The following ABTB3 variants were observed in gnomAD, a reference collection of about 807,000 sequenced individuals.
ABTB3 encodes the protein ankyrin repeat- and BTB/POZ domain-containing protein 3.
At chr12:107,529,559 G>A in the ABTB3 span, among the ~76,000 whole-genome samples, 37 of 152,342 alleles carry the variant, frequency 2.4e-4, no homozygotes, top group African/African-American at 8.2e-4. Context: ...TCTGTTCCAA[G>A]TGCTTTAAAT....
At chr12:107,585,235 G>T in the ABTB3 span, among the ~76,000 whole-genome samples, 1 of 152,190 alleles carries the variant, frequency 6.6e-6, no homozygotes, top group African/African-American at 2.4e-5. Context: ...ACAGGATTTG[G>T]GGGCTGTTTG....
At chr12:107,420,898 T>G in the ABTB3 span, among the ~76,000 whole-genome samples, 3 of 152,190 alleles carry the variant, frequency 2.0e-5, no homozygotes, top group Admixed American at 2.0e-4. Context: ...TTTTTCTTCC[T>G]GCCCCTAAAT....
chr12:107,497,994 C>CA, the ABTB3 span, among the ~76,000 whole-genome samples: 2 of 152,136 alleles, frequency 1.3e-5, no homozygotes, highest in Non-Finnish European at 2.9e-5. Flanking sequence ...AGAAGACAGG[C>CA]TCAGAACAAA....
chr12:107,642,225 G>A, the ABTB3 span: 1 of 1,535,978 alleles, frequency 6.5e-7, no homozygotes, highest in Non-Finnish European at 9.0e-7. Context: ...GGCACAGGTG[G>A]TTGCCTCAGA....
chr12:107,573,232 CT>C, the ABTB3 span, among the ~76,000 whole-genome samples: 1 of 152,150 alleles, frequency 6.6e-6, no homozygotes, highest in Non-Finnish European at 1.5e-5. Context: ...TCCTCCCTAC[CT>C]CAGCCAATTG....
At chr12:107,649,508 T>C in the ABTB3 span, 2 of 516,718 alleles carry the variant, frequency 3.9e-6, no homozygotes, top group East Asian at 6.4e-5. Context: ...CTTGCTTGCC[T>C]GACTGCTTTT....
At chr12:107,635,868 A>ACC in the ABTB3 span, among the ~76,000 whole-genome samples, 1 of 31,270 alleles carries the variant, frequency 3.2e-5, no homozygotes, top group African/African-American at 9.7e-5. Flanking sequence ...CCCCCCACCC[A>ACC]CCCACACACA....
At chr12:107,399,674 A>T in the ABTB3 span, among the ~76,000 whole-genome samples, 1 of 152,182 alleles carries the variant, frequency 6.6e-6, no homozygotes, top group Admixed American at 6.5e-5. Context: ...ATTTTTTAAA[A>T]TTTTATTTTA....
chr12:107,517,768 T>C, the ABTB3 span, among the ~76,000 whole-genome samples: 1 of 152,030 alleles, frequency 6.6e-6, no homozygotes, highest in African/African-American at 2.4e-5. Flanking sequence ...ACAAATGGGA[T>C]CTAATTAAAC....
chr12:107,573,902 A>G, the ABTB3 span, among the ~76,000 whole-genome samples: 9 of 152,358 alleles, frequency 5.9e-5, no homozygotes. Context: ...AATTCAGAGT[A>G]ATGTCCAGAC....
At chr12:107,645,502 GA>G in the ABTB3 span, among the ~76,000 whole-genome samples, 21,596 of 152,176 alleles carry the variant, frequency 0.14, 1,650 homozygotes, top group South Asian at 0.2. Flanking sequence ...CTGACTCCCA[GA>G]CCTGTTCTCT....
At chr12:107,472,769 A>G in the ABTB3 span, among the ~76,000 whole-genome samples, 1 of 152,174 alleles carries the variant, frequency 6.6e-6, no homozygotes, top group South Asian at 2.1e-4. Flanking sequence ...ATGAATGGTC[A>G]CTGGAGGAGC....
the ABTB3 span, among the ~76,000 whole-genome samples, chr12:107,540,341 CT>C: frequency 6.6e-6 from 1 of 152,092 alleles, no homozygotes; most frequent in African/African-American, 2.4e-5. Flanking sequence ...TTTCCTGTGC[CT>C]TTTTGTTCTA....
the ABTB3 span, among the ~76,000 whole-genome samples, chr12:107,347,629 G>T: frequency 2.0e-5 from 3 of 152,150 alleles, no homozygotes; most frequent in African/African-American, 7.2e-5. Flanking sequence ...TTTACATGAT[G>T]GCTGGCTTCC....
the ABTB3 span, among the ~76,000 whole-genome samples, chr12:107,423,779 C>T: frequency 2.0e-5 from 3 of 152,158 alleles, no homozygotes; most frequent in Admixed American, 6.5e-5. Flanking sequence ...GCTGTTTGGC[C>T]TTGAGAATGC....
chr12:107,620,689 A>C, the ABTB3 span, among the ~76,000 whole-genome samples: 6 of 152,164 alleles, frequency 3.9e-5, no homozygotes, highest in Non-Finnish European at 7.3e-5. Context: ...CCCTGGGAGA[A>C]GGCTTTTCCG....
chr12:107,632,347 G>C, the ABTB3 span, among the ~76,000 whole-genome samples: 1 of 152,332 alleles, frequency 6.6e-6, no homozygotes, highest in South Asian at 2.1e-4. Context: ...GAAGGAAGCT[G>C]ATTCACCAGC....
At chr12:107,577,793 G>A in the ABTB3 span, among the ~76,000 whole-genome samples, 1 of 152,090 alleles carries the variant, frequency 6.6e-6, no homozygotes, top group South Asian at 2.1e-4. Context: ...TTAAAATGCA[G>A]ATGCCCAGGC....
the ABTB3 span, among the ~76,000 whole-genome samples, chr12:107,362,126 A>G: frequency 2.0e-5 from 3 of 152,188 alleles, no homozygotes; most frequent in Non-Finnish European, 1.5e-5. Context: ...TGCTACAGCA[A>G]CCCAAACAGA....
Sources: allele counts gnomAD v4.1 joint callset (sites outside exome capture counted in the v4.1 genomes callset), GRCh38; gene constraint gnomAD v4.1.1; transcripts MANE v1.5; gene names NCBI Gene and HGNC (gene_info 2026-07-23, HGNC 2026-07-21).